ABCG1: variants seen among roughly 807,000 people sequenced by gnomAD.
The protein encoded by ABCG1 is ATP-binding cassette sub-family G member 1.
In ABCG1, 29 loss-of-function variants were observed where a neutral mutation model predicts 69.2. The ratio of observed to expected loss-of-function variants is 0.42; its 90% confidence interval spans 0.31 to 0.57. ABCG1 has a LOEUF of 0.57. Ranked by LOEUF, ABCG1 falls within the 20% of genes least tolerant of loss-of-function variation. The pLI is 0.15. For synonymous variants in ABCG1, 370 were observed against 374.8 expected (o/e 0.99, Z 0.15); for missense variants, 718 against 898.1 (o/e 0.80, Z 2.56).
Position 42,291,939 on chromosome 21 carries a change from G to T in ABCG1, c.1653+283G>T, listed in dbSNP as rs13050646. The stretch of plus-strand genomic sequence containing the variant: ...TAGCCCCAAGCACAGCCACGCTTAG[G>T]TGCTGTGCTGGCCCCATTTTACATA... On this transcript the variant is annotated intron_variant, in intron 13 of 14. Transcript: ENST00000398449. The surrounding 1 kb of genome is among the most constrained non-coding windows in gnomAD (Gnocchi z 6.4). Among the ~76,000 whole-genome samples the T allele has an allele frequency of 0.032, 4,922 of 152,260 alleles. 120 individuals are homozygous for T. The highest frequency in any genetic ancestry group is 0.086 in the Middle Eastern group (25 of 292).
At position 42,207,838 on chromosome 21, in the gene ABCG1, C is replaced by T. The variant is rs138591378; in HGVS notation, c.48+6115C>T. Among the ~76,000 whole-genome samples, 359 of 152,344 alleles carry T rather than the reference C, an allele frequency of 2.4e-3. 4 individuals carry two copies. Among genetic ancestry groups the T allele is most frequent in the African/African-American group, 8.4e-3 (349 of 41,580 alleles). On this transcript the variant is annotated intron_variant, in intron 2 of 15. Coordinates refer to the ABCG1 transcript ENST00000398457. ...GTTCCCCACATGGTCTTCATGACAT[C>T]ACAGGGTGATGAGTATCCTTGTTAC... is the stretch of plus-strand genomic sequence containing the variant.
chr21:42,202,529 C>T (rs576213305), intron 2 of ABCG1, among the ~76,000 whole-genome samples: 1 of 151,798 alleles, frequency 6.6e-6, no homozygotes, highest in East Asian at 1.9e-4. Context: ...ACGCCTCCCT[C>T]CCCCCATCCC....
In ABCG1 at chr21:42,294,882, C is replaced by T. The variant is rs1032407636; in HGVS notation, c.1772+222C>T. 5.3e-5 allele frequency: 28 copies of T among 530,996 alleles called. No homozygotes were observed. In the East Asian group the frequency reaches 9.3e-4, roughly 18 times the overall value. 32.9% of individuals were successfully genotyped at this position (530,996 alleles called of 1,614,324 possible). The stretch of plus-strand genomic sequence containing the variant: ...GGAGGCCACACAAACCAGCGCTTCA[C>T]ACCCGGAGAGCCATGGCAGGACCAA... On this transcript the variant is annotated intron_variant, in intron 14 of 14. Transcript: ENST00000398449.
At chr21:42,221,068 C>T (rs187545950) in intron 1 of ABCG1, 1 of 152,202 alleles carries the variant, frequency 6.6e-6, no homozygotes, top group African/African-American at 2.4e-5. Context: ...CACGTGGAGA[C>T]AGTAACGGCT....
chr21:42,256,743 A>G, intron 2 of ABCG1: 1 of 1,357,884 alleles, frequency 7.4e-7, no homozygotes, highest in Non-Finnish European at 9.6e-7. Flanking sequence ...CTGGCTCTTC[A>G]GAAATGATCA....
intron 2 of ABCG1, among the ~76,000 whole-genome samples, chr21:42,267,849 CT>C: frequency 7.1e-6 from 1 of 140,720 alleles, no homozygotes; most frequent in Admixed American, 7.2e-5. Context: ...TGGGTTCTGT[CT>C]GGGTCTGATC....
At chr21:42,204,960 T>C (rs566334724) in intron 2 of ABCG1, among the ~76,000 whole-genome samples, 1 of 152,248 alleles carries the variant, frequency 6.6e-6, no homozygotes, top group Admixed American at 6.5e-5. Flanking sequence ...TTTAAAATGT[T>C]TGATAGAATT....
intron 2 of ABCG1, among the ~76,000 whole-genome samples, chr21:42,242,463 T>C (rs2068065883): frequency 6.6e-6 from 1 of 152,144 alleles, no homozygotes; most frequent in African/African-American, 2.4e-5. Flanking sequence ...ATAGCACTGC[T>C]GCATACTCCA....
intron 2 of ABCG1, among the ~76,000 whole-genome samples, chr21:42,262,377 T>G (rs1030052000): frequency 6.6e-6 from 1 of 151,972 alleles, no homozygotes; most frequent in Non-Finnish European, 1.5e-5. Flanking sequence ...TCTCTTTGAA[T>G]GGGCATAGGA....
At position 42,219,894 on chromosome 21, in the gene ABCG1, A is replaced by C; in HGVS notation, c.42+590A>C. The C allele has an allele frequency of 6.5e-7, 1 of 1,545,996 alleles. No homozygotes were observed. Among genetic ancestry groups the C allele is most frequent in the Non-Finnish European group, 8.7e-7 (1 of 1,145,702 alleles). ...GAGGCGGCGGCGAAGGCCCGGGGAGACCCGCGAGGGGCAAGCCCGGATTCC... is the reference window on the plus strand; with the variant it reads ...GAGGCGGCGGCGAAGGCCCGGGGAGCCCCGCGAGGGGCAAGCCCGGATTCC... On this transcript the variant is annotated intron_variant, in intron 1 of 14. Coordinates refer to ENST00000398449, the MANE Select transcript of ABCG1 (RefSeq NM_016818.3). The surrounding 1 kb of genome is among the most constrained non-coding windows in gnomAD (Gnocchi z 5.3).
At chr21:42,237,788 C>T (rs1031835876) in intron 2 of ABCG1, among the ~76,000 whole-genome samples, 2 of 152,198 alleles carry the variant, frequency 1.3e-5, no homozygotes, top group Non-Finnish European at 1.5e-5. Context: ...CTAAGCTTCA[C>T]GCAGGTGGTT....
At chr21:42,294,861 G>T (rs1370708077) in intron 14 of ABCG1, 37 of 568,310 alleles carry the variant, frequency 6.5e-5, no homozygotes, top group Non-Finnish European at 1.1e-4. Flanking sequence ...AAACAAGGAG[G>T]CCACACAAAC....
chr21:42,218,754 C>G (rs1174981325), upstream of ABCG1, among the ~76,000 whole-genome samples: 2 of 152,102 alleles, frequency 1.3e-5, no homozygotes, highest in Admixed American at 6.5e-5. Context: ...AAGAAAGAAG[C>G]CCCCTGGCCC....
intron 1 of ABCG1, chr21:42,199,933 AT>A (rs2067493488): frequency 6.6e-6 from 1 of 152,252 alleles, no homozygotes; most frequent in Non-Finnish European, 1.5e-5. Flanking sequence ...CTAGATGTAG[AT>A]TAAGAAAAAT....
chr21:42,255,318 TG>T (rs1211423086), intron 2 of ABCG1, among the ~76,000 whole-genome samples: 2 of 152,230 alleles, frequency 1.3e-5, no homozygotes, highest in East Asian at 3.9e-4. Context: ...AGTGTGTACA[TG>T]GTGTGTCTGT....
intron 2 of ABCG1, among the ~76,000 whole-genome samples, chr21:42,235,717 T>A (rs1417240674): frequency 6.6e-6 from 1 of 152,212 alleles, no homozygotes; most frequent in Non-Finnish European, 1.5e-5. Context: ...ATCATGCGGA[T>A]GAGGCCTCCA....
chr21:42,248,303 G>T (rs1024218162), intron 2 of ABCG1, among the ~76,000 whole-genome samples: 10 of 152,216 alleles, frequency 6.6e-5, no homozygotes, highest in African/African-American at 2.4e-4. Context: ...GTGGAGATGT[G>T]TCTGTTGCAG....
intron 2 of ABCG1, among the ~76,000 whole-genome samples, chr21:42,246,719 T>G (rs539480965): frequency 6.6e-6 from 1 of 152,346 alleles, no homozygotes; most frequent in Admixed American, 6.5e-5. Flanking sequence ...TAGTCCACGC[T>G]CCACATTTCA....
Position 42,225,845 on chromosome 21 carries a change from G to A in ABCG1, c.217G>A (p.Ala73Thr), listed in dbSNP as rs764762326. Residue 73 changes from alanine (A) to threonine (T), a missense_variant, in exon 2 of 15, where the codon GCA becomes ACA. Around this residue, in one of 2 missense-constraint regions of ABCG1, gnomAD observed 514 missense variants for 574.3 expected, o/e 0.90. Coordinates refer to ENST00000398449, the MANE Select transcript of ABCG1 (RefSeq NM_016818.3). ...GCGCTTCTCCTCCTTGCCTCGGAGGGCAGCTGTGAACATTGAATTCAGGGA... is the reference window on the plus strand; with the variant it reads ...GCGCTTCTCCTCCTTGCCTCGGAGGACAGCTGTGAACATTGAATTCAGGGA... ...AQRFSSLPRR[A>T]AVNIEFRDLS... is the part of the protein sequence containing the mutation. The A allele has an allele frequency of 6.2e-7, 1 of 1,614,042 alleles. No individual in the cohort carries two copies. The highest frequency in any genetic ancestry group is 1.1e-5 in the South Asian group (1 of 91,064).
Sources: allele counts gnomAD v4.1 joint callset (sites outside exome capture counted in the v4.1 genomes callset), GRCh38; gene constraint gnomAD v4.1.1; regional missense constraint gnomAD v4.1.1; non-coding constraint Gnocchi (gnomAD v3.1); transcripts MANE v1.5; gene names NCBI Gene and HGNC (gene_info 2026-07-23, HGNC 2026-07-21).